IFT74: variants seen among roughly 807,000 people sequenced by gnomAD.
IFT74 encodes intraflagellar transport protein 74 homolog.
IFT74 carries 92 observed loss-of-function variants against 96.7 expected under a neutral mutation model. That is an observed-to-expected ratio of 0.95 (90% CI 0.80 to 1.13). The LOEUF is 1.13. Among genes scored for constraint, IFT74 ranks in the 50% most tolerant of loss-of-function variants. The pLI, the probability that IFT74 is intolerant of heterozygous loss-of-function variation, is 0.00. For synonymous variants in IFT74, 223 were observed against 213.2 expected, an observed-to-expected ratio of 1.05 and a Z score of -0.40; for missense variants, 811 against 698.2, an observed-to-expected ratio of 1.16 and a Z score of -1.82.
chr9:26,999,244 C>G (rs1362562505), intron 8 of IFT74, among the ~76,000 whole-genome samples: 2 of 151,970 alleles, frequency 1.3e-5, no homozygotes, highest in Non-Finnish European at 1.5e-5. Context: ...AAGAATAGTT[C>G]TGGTTTATTA....
At chr9:26,982,539 T>A (rs896138263) in intron 4 of IFT74, 8 of 278,966 alleles carry the variant, frequency 2.9e-5, no homozygotes, top group Non-Finnish European at 5.6e-5. Context: ...CACCGCAACC[T>A]CCGCCTCCCG....
At chr9:27,006,794 A>G (rs1457997068) in intron 8 of IFT74, among the ~76,000 whole-genome samples, 1 of 135,636 alleles carries the variant, frequency 7.4e-6, no homozygotes. Flanking sequence ...TTTGTATTCT[A>G]TTGAGTTTCA....
intron 4 of IFT74, 101 bp downstream of exon 4, chr9:26,980,720 C>T (rs1827338226): frequency 1.4e-6 from 1 of 696,174 alleles, no homozygotes; most frequent in Non-Finnish European, 2.4e-6. Flanking sequence ...TTTAGCTAGG[C>T]ACTTATTAGG....
At chr9:27,033,258 A>T (rs935011336) in intron 13 of IFT74, among the ~76,000 whole-genome samples, 3 of 152,140 alleles carry the variant, frequency 2.0e-5, no homozygotes, top group African/African-American at 7.2e-5. Context: ...CTAAAGTCAG[A>T]CTTAAGAATG....
At chr9:26,975,526 T>G (rs1827078383) in intron 2 of IFT74, among the ~76,000 whole-genome samples, 1 of 152,208 alleles carries the variant, frequency 6.6e-6, no homozygotes, top group African/African-American at 2.4e-5. Flanking sequence ...CTTTCCAATA[T>G]TTTAACATAA....
rs569129040 is a variant in IFT74, at chr9:27,027,223, G to A, written c.975-1802G>A. On this transcript the variant is annotated intron_variant, in intron 12 of 19. Coordinates refer to ENST00000380062, the MANE Select transcript of IFT74 (RefSeq NM_025103.4). ...ACAAACTAGAAAACTTAGAGGAGAC[G>A]GATAGATTCCTGGAAATATACAATC... Among the ~76,000 whole-genome samples the A allele has an allele frequency of 2.0e-5, 3 of 151,902 alleles. No homozygotes were observed. The South Asian group carries it at 6.2e-4, about 32-fold the overall frequency.
At chr9:26,968,265 ATT>A (rs34472331) in intron 2 of IFT74, among the ~76,000 whole-genome samples, 7 of 139,184 alleles carry the variant, frequency 5.0e-5, no homozygotes, top group African/African-American at 1.0e-4. Context: ...TTAAAAAAAA[ATT>A]TTTTTTTTTT....
intron 8 of IFT74, among the ~76,000 whole-genome samples, chr9:26,991,483 G>A (rs892461418): frequency 1.3e-5 from 2 of 152,138 alleles, no homozygotes; most frequent in East Asian, 1.9e-4. Context: ...GCCTCCTCAA[G>A]TGTTGGGATT....
At position 26,948,677 on chromosome 9, in the gene IFT74, G is replaced by A. The variant is rs192284864; in HGVS notation, c.-20+1531G>A. 2.2e-3 allele frequency among the ~76,000 whole-genome samples: 332 copies of A among 151,818 alleles called. 2 individuals carry two copies. Among genetic ancestry groups the A allele is most frequent in the African/African-American group, 7.8e-3 (321 of 41,414 alleles). ...AAACGAGTTTCACCATGTTGGCCAG[G>A]ATAGTCTCAATCTCTTGACCTCATA... On this transcript the variant is annotated intron_variant, in intron 1 of 19. Coordinates refer to the IFT74 transcript ENST00000433700.
chr9:27,054,653 T>C (rs1412893585), intron 16 of IFT74, among the ~76,000 whole-genome samples: 1 of 152,184 alleles, frequency 6.6e-6, no homozygotes, highest in Non-Finnish European at 1.5e-5. Flanking sequence ...AAATCAATCC[T>C]TGCAGCATTT....
At chr9:27,014,016 C>G (rs1829231581) in intron 10 of IFT74, among the ~76,000 whole-genome samples, 1 of 152,142 alleles carries the variant, frequency 6.6e-6, no homozygotes, top group South Asian at 2.1e-4. Flanking sequence ...GAGATCGAGA[C>G]CATCCTTGCT....
rs1276606163 is a variant in IFT74, at chr9:27,063,602, C to A, written c.*866C>A. On this transcript the variant is annotated 3_prime_UTR_variant, in exon 20 of 20. Transcript: ENST00000380062. Reference sequence around the variant, plus strand: ...TCGTGCAGGAATGAGTCACCTTGGCCAGCATAAAATATTACTTAAAACTAT... The same window carrying A: ...TCGTGCAGGAATGAGTCACCTTGGCAAGCATAAAATATTACTTAAAACTAT... Among the ~76,000 whole-genome samples the A allele has an allele frequency of 2.0e-5, 3 of 152,024 alleles. No homozygotes were observed. The East Asian group carries it at 5.8e-4, about 29-fold the overall frequency.
chr9:26,980,698 T>TCA, intron 4 of IFT74, 79 bp downstream of exon 4: 1 of 902,038 alleles, frequency 1.1e-6, no homozygotes, highest in Non-Finnish European at 1.7e-6. Flanking sequence ...GTATATAACT[T>TCA]TAATATGAAG....
At chr9:27,054,751 ACT>A (rs1820086086) in intron 16 of IFT74, among the ~76,000 whole-genome samples, 1 of 151,948 alleles carries the variant, frequency 6.6e-6, no homozygotes, top group Non-Finnish European at 1.5e-5. Context: ...AAAAGGCAAC[ACT>A]CTGCCTTCTT....
chr9:27,052,877 T>A (rs1018184384), intron 16 of IFT74, among the ~76,000 whole-genome samples: 3 of 152,138 alleles, frequency 2.0e-5, no homozygotes, highest in Admixed American at 2.0e-4. Context: ...GTTGTTGTTG[T>A]TGTTTGAGAC....
At chr9:26,981,209 A>G (rs1827362018) in intron 4 of IFT74, among the ~76,000 whole-genome samples, 2 of 152,194 alleles carry the variant, frequency 1.3e-5, no homozygotes, top group Admixed American at 1.3e-4. Context: ...TATGAATTTC[A>G]GAGGGACTCA....
intron 12 of IFT74, chr9:27,028,744 G>T (rs1829985958): frequency 1.0e-5 from 2 of 200,198 alleles, no homozygotes; most frequent in South Asian, 1.9e-4. Flanking sequence ...GGCAGAGCGA[G>T]ACCCCGTCTC....
intron 18 of IFT74, 140 bp from the exon 19 acceptor site, chr9:27,060,451 T>C (rs548158388): frequency 1.4e-5 from 6 of 419,796 alleles, no homozygotes; most frequent in Non-Finnish European, 2.2e-5. Context: ...TCTTTTTTTT[T>C]CTACCGTGGC....
At chr9:27,062,585 G>A (rs752069653) in intron 19 of IFT74, 33 bp from the exon 20 acceptor site, 1 of 1,148,978 alleles carries the variant, frequency 8.7e-7, no homozygotes, top group Non-Finnish European at 1.3e-6. Context: ...GATTTTTATT[G>A]ACATTGTTTT....
Sources: gnomAD v4.1 joint callset for allele counts (sites outside exome capture counted in the v4.1 genomes callset) on GRCh38, gnomAD v4.1.1 for gene constraint, MANE v1.5 for transcripts, NCBI Gene and HGNC (gene_info 2026-07-23, HGNC 2026-07-21) for gene names.